OOSP3: variants seen among roughly 807,000 people sequenced by gnomAD.
OOSP3 encodes oocyte-secreted protein 3.
intron 3 of OOSP3, among the ~76,000 whole-genome samples, chr11:59,894,404 C>T (rs1449278060): frequency 6.6e-6 from 1 of 152,194 alleles, no homozygotes; most frequent in African/African-American, 2.4e-5. Context: ...CCTCTCCCTG[C>T]TTCTGTGTGA....
At chr11:59,880,427 G>A (rs1249913735) in exon 2 of OOSP3, 1 of 398,424 alleles carries the variant, frequency 2.5e-6, no homozygotes, top group Non-Finnish European at 4.4e-6. Context: ...CTCAGTGTGG[G>A]ATTCAGAAAG....
chr11:59,878,816 A>G lies in OOSP3; in HGVS notation c.8A>G (p.Asp3Gly), dbSNP rs1294991364. 8 of 398,376 alleles carry G rather than the reference A, an allele frequency of 2.0e-5. No individual in the cohort carries two copies. In the East Asian group the frequency reaches 2.8e-4, roughly 14 times the overall value. The allele number at this position is 398,376 out of a possible 1,614,324, so 24.7% of individuals were successfully genotyped here. The change falls in exon 1 of 5, where the codon GAT becomes GGT. Residue 3 changes from aspartate (D) to glycine (G), a missense_variant. Physicochemically the swap from Asp to Gly is moderately conservative, Grantham distance 94 (BLOSUM62 -1). Transcript: ENST00000646438. Reference sequence around the variant, plus strand: ...TAGTTGGCAGCTGACGTCATGAAAGATTTTGTGAGGTTACAGTCCTCTTTC... The same window carrying G: ...TAGTTGGCAGCTGACGTCATGAAAGGTTTTGTGAGGTTACAGTCCTCTTTC...
rs545895656 is a variant in OOSP3 at position 59,890,290 on chromosome 11, T to C, written c.253-3789T>C. 9.8e-5 allele frequency among the ~76,000 whole-genome samples: 15 copies of C among 152,322 alleles called. No individual in the cohort carries two copies. The East Asian group carries it at 2.9e-3, about 29-fold the overall frequency. On this transcript the variant is annotated intron_variant, in intron 2 of 4. Transcript: ENST00000646438. The stretch of plus-strand genomic sequence containing the variant: ...AGCACATTTACATTTAAGGTTGATA[T>C]TGCTATGTGTGAATTTGGTCCTGTC...
chr11:59,884,900 C>T (rs765724428), intron 2 of OOSP3, among the ~76,000 whole-genome samples: 5 of 152,132 alleles, frequency 3.3e-5, no homozygotes, highest in African/African-American at 4.8e-5. Context: ...CTAGAACCTC[C>T]AGTACAATAT....
At chr11:59,880,892 A>T (rs1245405934) in intron 2 of OOSP3, among the ~76,000 whole-genome samples, 1 of 152,208 alleles carries the variant, frequency 6.6e-6, no homozygotes, top group Non-Finnish European at 1.5e-5. Context: ...ATGATACCAG[A>T]GGTAGAATTC....
chr11:59,896,065 C>T (rs1853354610), intron 4 of OOSP3, 68 bp from the exon 5 acceptor site: 1 of 397,666 alleles, frequency 2.5e-6, no homozygotes, highest in South Asian at 1.3e-4. Flanking sequence ...AATGTGTTTA[C>T]TGTGCCAAGT....
At chr11:59,885,945 C>T (rs1297117922) in intron 2 of OOSP3, among the ~76,000 whole-genome samples, 1 of 151,932 alleles carries the variant, frequency 6.6e-6, no homozygotes, top group Non-Finnish European at 1.5e-5. Flanking sequence ...AGATTTGTTA[C>T]ATAGGTAAAT....
Position 59,886,070 on chromosome 11 carries a change from A to G in OOSP3, c.252+5631A>G, listed in dbSNP as rs991891125. ...CCCCACCCTCCCCTGACAAGCCCCT[A>G]TGTGTGTTATTCCCCTCTCTGTGTC... On this transcript the variant is annotated intron_variant, in intron 2 of 4. Transcript: ENST00000646438. Among the ~76,000 whole-genome samples, 4 of 151,222 alleles carry G rather than the reference A, an allele frequency of 2.6e-5. No individual in the cohort carries two copies. In the South Asian group the frequency reaches 8.4e-4, roughly 32 times the overall value.
At chr11:59,882,682 A>C (rs900648910) in intron 2 of OOSP3, among the ~76,000 whole-genome samples, 2 of 152,224 alleles carry the variant, frequency 1.3e-5, no homozygotes, top group Non-Finnish European at 2.9e-5. Context: ...TGTACAATAC[A>C]GTGGTTTTTA....
At chr11:59,879,698 C>G (rs1853182752) in intron 1 of OOSP3, among the ~76,000 whole-genome samples, 1 of 152,208 alleles carries the variant, frequency 6.6e-6, no homozygotes, top group African/African-American at 2.4e-5. Context: ...AGGTTTTAAT[C>G]TGAGACTATC....
chr11:59,880,075 C>A (rs1853185981), intron 1 of OOSP3, among the ~76,000 whole-genome samples, 186 bp from the exon 2 acceptor site: 1 of 152,138 alleles, frequency 6.6e-6, no homozygotes, highest in African/African-American at 2.4e-5. Context: ...TCCAGACAGG[C>A]TTGAATGGGA....
chr11:59,891,658 G>A (rs1392274243), intron 2 of OOSP3, among the ~76,000 whole-genome samples: 1 of 152,166 alleles, frequency 6.6e-6, no homozygotes, highest in Non-Finnish European at 1.5e-5. Flanking sequence ...GGGGAGGACC[G>A]ACCAGATGCC....
chr11:59,896,470 T>C (rs773515235), exon 5 of OOSP3: 2 of 279,078 alleles, frequency 7.2e-6, no homozygotes, highest in Non-Finnish European at 1.3e-5. Flanking sequence ...TAAAATGTGC[T>C]GTCCCTTTGG....
At chr11:59,884,467 GTCTGTCTGTCTCTCTCTCTC>G (rs1238618635) in intron 2 of OOSP3, among the ~76,000 whole-genome samples, 1,751 of 121,842 alleles carry the variant, frequency 0.014, 45 homozygotes, top group African/African-American at 0.055. Flanking sequence ...CTGTCTGTCT[GTCTGTCTGTCTCTCTCTCTC>G]TCTCTCTCTC....
exon 5 of OOSP3, chr11:59,896,174 T>A (rs1239695585): frequency 2.5e-6 from 1 of 398,384 alleles, no homozygotes; most frequent in Non-Finnish European, 4.4e-6. Flanking sequence ...ATATGTCTCA[T>A]CCATTAGTCC....
intron 2 of OOSP3, among the ~76,000 whole-genome samples, chr11:59,882,518 T>G (rs1411107349): frequency 6.6e-6 from 1 of 152,204 alleles, no homozygotes; most frequent in Non-Finnish European, 1.5e-5. Context: ...CCTTGGTGGC[T>G]TCATTTCTTT....
At chr11:59,889,674 G>C (rs187195874) in intron 2 of OOSP3, among the ~76,000 whole-genome samples, 3 of 151,280 alleles carry the variant, frequency 2.0e-5, no homozygotes, top group Admixed American at 6.6e-5. Context: ...TTATATTTCA[G>C]TTCTTTTGCA....
At chr11:59,893,740 G>A (rs1458256342) in intron 2 of OOSP3, among the ~76,000 whole-genome samples, 1 of 152,092 alleles carries the variant, frequency 6.6e-6, no homozygotes, top group African/African-American at 2.4e-5. Context: ...TCAGACATCT[G>A]GGATACAGCA....
intron 2 of OOSP3, among the ~76,000 whole-genome samples, chr11:59,889,010 A>G: frequency 6.6e-6 from 1 of 151,980 alleles, no homozygotes; most frequent in East Asian, 1.9e-4. Context: ...CAGGGATTCA[A>G]CTTCCTGGTT....
Sources: gnomAD v4.1 joint callset for allele counts (sites outside exome capture counted in the v4.1 genomes callset) on GRCh38, gnomAD v4.1.1 for gene constraint, MANE v1.5 for transcripts, NCBI Gene and HGNC (gene_info 2026-07-23, HGNC 2026-07-21) for gene names.